The following CXXC5 variants were observed in gnomAD, a reference collection of about 807,000 sequenced individuals.
CXXC5 encodes CXXC finger protein 5, also known as CXXC-type zinc finger protein 5.
CXXC5 carries 2 observed loss-of-function variants against 17.6 expected under a neutral mutation model. The observed-to-expected ratio is 0.11, with a 90% CI of 0.05 to 0.36. The LOEUF (loss-of-function observed/expected upper bound fraction) is 0.36, where lower values mean the gene tolerates loss of function less well. Among genes scored for constraint, CXXC5 ranks in the 10% least tolerant of loss-of-function variants. The probability of loss-of-function intolerance (pLI) is 1.00; values close to 1 mark genes in which losing one functional copy is unlikely to be tolerated. For synonymous variants in CXXC5, 171 were observed against 193.0 expected (o/e 0.89, Z 0.94); for missense variants, 343 against 458.3 (o/e 0.75, Z 2.30).
intron 1 of CXXC5, among the ~76,000 whole-genome samples, chr5:139,665,207 C>T (rs1273925232): frequency 6.6e-6 from 1 of 152,282 alleles, no homozygotes; most frequent in African/African-American, 2.4e-5. Context: ...CCACTCTCCT[C>T]TCCCTCTCTG....
Position 139,670,998 on chromosome 5 carries a change from C to T in CXXC5, c.-160-9366C>T, listed in dbSNP as rs932317275. On this transcript the variant is annotated intron_variant, in intron 1 of 2. Transcript: ENST00000302517. The surrounding 1 kb of genome is among the most constrained non-coding windows in gnomAD (Gnocchi z 4.2). ...AGCCCGCTCCCAGGTGCCCAGCATCCTTGGGTAGTTATGCCACCCGAGGGG... is the reference window on the plus strand; with the variant it reads ...AGCCCGCTCCCAGGTGCCCAGCATCTTTGGGTAGTTATGCCACCCGAGGGG... 2.6e-5 allele frequency among the ~76,000 whole-genome samples: 4 copies of T among 152,210 alleles called. No individual in the cohort carries two copies. The highest frequency in any genetic ancestry group is 5.9e-5 in the Non-Finnish European group (4 of 68,026).
chr5:139,649,401 C>T (rs1755040932), intron 1 of CXXC5: 1 of 152,064 alleles, frequency 6.6e-6, no homozygotes. Flanking sequence ...CGCGCACTCC[C>T]CCCATCAGAC....
At chr5:139,676,080 T>A (rs1486850658) in intron 1 of CXXC5, among the ~76,000 whole-genome samples, 1 of 151,728 alleles carries the variant, frequency 6.6e-6, no homozygotes, top group South Asian at 2.1e-4. Flanking sequence ...AGCCATGCTC[T>A]GGGGCCAAGA....
chr5:139,677,052 T>C (rs954851206), intron 1 of CXXC5, among the ~76,000 whole-genome samples: 1 of 151,066 alleles, frequency 6.6e-6, no homozygotes, highest in African/African-American at 2.4e-5. Flanking sequence ...GGCTCCTGCA[T>C]GGACAAAGGG....
At chr5:139,659,575 T>G (rs1185299134) in intron 1 of CXXC5, 1 of 152,228 alleles carries the variant, frequency 6.6e-6, no homozygotes, top group East Asian at 1.9e-4. Flanking sequence ...CCAGGGGCCT[T>G]GTGGTGCCCT....
chr5:139,676,994 G>A (rs1036403426), intron 1 of CXXC5, among the ~76,000 whole-genome samples: 6 of 101,230 alleles, frequency 5.9e-5, no homozygotes, highest in Non-Finnish European at 9.9e-5. Flanking sequence ...TCAGCCCCCC[G>A]TGCTCTGTCC....
At chr5:139,674,168 C>G (rs1284559719) in intron 1 of CXXC5, among the ~76,000 whole-genome samples, 1 of 152,190 alleles carries the variant, frequency 6.6e-6, no homozygotes, top group Non-Finnish European at 1.5e-5. Flanking sequence ...GCGTTTCTCC[C>G]TGCCTCCAAG....
In CXXC5 at chr5:139,668,655, G is replaced by C. The variant is rs1290166660; in HGVS notation, c.-160-11709G>C. On this transcript the variant is annotated intron_variant, in intron 1 of 2. Coordinates refer to ENST00000302517, the MANE Select transcript of CXXC5 (RefSeq NM_016463.9). This position sits in a 1 kb window ranked among gnomAD's most constrained non-coding sequence, Gnocchi z 4.1. ...TCCCTGAACCCCATCGTGGCGTGCA[G>C]GTCTGAGTAGGCTCTGGGCCATGCC... Among the ~76,000 whole-genome samples, 1 of 152,192 alleles carries C rather than the reference G, an allele frequency of 6.6e-6. No individual in the cohort carries two copies. The highest frequency in any genetic ancestry group is 2.4e-5 in the African/African-American group (1 of 41,456).
chr5:139,683,035 C>T lies in CXXC5; in HGVS notation c.*128C>T. The T allele has an allele frequency of 2.9e-6, 2 of 697,300 alleles. No homozygotes were observed. Among genetic ancestry groups the T allele is most frequent in the African/African-American group, 1.9e-5 (1 of 53,854 alleles). 43.2% of individuals were successfully genotyped at this position (697,300 alleles called of 1,614,324 possible). A position where few individuals can be genotyped will look rare whatever the true frequency, so the allele number is the denominator to read the frequency against. ...ACCAAAAATATTCTCTCACAGATTTCATTCCTGTTTTTATATATATATTTT... is the reference window on the plus strand; with the variant it reads ...ACCAAAAATATTCTCTCACAGATTTTATTCCTGTTTTTATATATATATTTT... On this transcript the variant is annotated 3_prime_UTR_variant, in exon 3 of 3. Coordinates refer to ENST00000302517, the MANE Select transcript of CXXC5 (RefSeq NM_016463.9).
intron 1 of CXXC5, among the ~76,000 whole-genome samples, chr5:139,662,669 G>T (rs1755887387): frequency 6.6e-6 from 1 of 150,460 alleles, no homozygotes; most frequent in Non-Finnish European, 1.5e-5. Context: ...GACCGTGGTT[G>T]AGGAGGAGAG....
chr5:139,672,084 C>G (rs563729639), intron 1 of CXXC5, among the ~76,000 whole-genome samples: 1 of 152,210 alleles, frequency 6.6e-6, no homozygotes, highest in African/African-American at 2.4e-5. Flanking sequence ...TTATTAGGAC[C>G]TGCTGTTTAT....
chr5:139,674,867 G>T (rs1756691656), intron 1 of CXXC5, among the ~76,000 whole-genome samples: 1 of 152,114 alleles, frequency 6.6e-6, no homozygotes, highest in Non-Finnish European at 1.5e-5. Flanking sequence ...TTCTGCCCTT[G>T]GCCTCAAGGC....
intron 1 of CXXC5, among the ~76,000 whole-genome samples, chr5:139,672,494 C>T (rs558917258): frequency 8.3e-4 from 126 of 152,350 alleles, no homozygotes; most frequent in Non-Finnish European, 1.3e-4. Flanking sequence ...CGATAGGTCT[C>T]ACCTCTTCTA....
intron 1 of CXXC5, among the ~76,000 whole-genome samples, chr5:139,662,347 G>A (rs919432109): frequency 9.9e-5 from 15 of 152,238 alleles, no homozygotes; most frequent in African/African-American, 3.6e-4. Flanking sequence ...CCCTCAGGGA[G>A]CCTTTTTAAG....
Position 139,683,645 on chromosome 5 carries a change from A to C in CXXC5, c.*738A>C, listed in dbSNP as rs1757384728. 6.6e-6 allele frequency: 1 copy of C among 152,624 alleles called. No individual in the cohort carries two copies. The highest frequency in any genetic ancestry group is 1.9e-4 in the East Asian group (1 of 5,186). 9.5% of individuals were successfully genotyped at this position (152,624 alleles called of 1,614,324 possible). ...TGGGGAGCCCCATCTCGATATTTCC[A>C]ATCCTGGCTACTTTTCTTAGAGAAA... On this transcript the variant is annotated 3_prime_UTR_variant, in exon 3 of 3. Transcript: ENST00000302517.
chr5:139,680,299 G>C, intron 1 of CXXC5, 65 bp from the exon 2 acceptor site: 1 of 600,250 alleles, frequency 1.7e-6, no homozygotes, highest in Non-Finnish European at 2.9e-6. Flanking sequence ...TGATAGTGGC[G>C]GTGGTGGCGA....
At chr5:139,650,297 G>T (rs1197384087) in intron 1 of CXXC5, among the ~76,000 whole-genome samples, 1 of 150,022 alleles carries the variant, frequency 6.7e-6, no homozygotes, top group Non-Finnish European at 1.5e-5. Flanking sequence ...GCCTTCGGAT[G>T]GGGGGGGAGC....
chr5:139,654,356 T>G (rs1755376422), intron 1 of CXXC5, among the ~76,000 whole-genome samples: 1 of 152,182 alleles, frequency 6.6e-6, no homozygotes, highest in East Asian at 1.9e-4. Flanking sequence ...GCTGGATGTG[T>G]GACATTTGGG....
chr5:139,674,801 T>A (rs1756688138), intron 1 of CXXC5, among the ~76,000 whole-genome samples: 1 of 152,138 alleles, frequency 6.6e-6, no homozygotes, highest in Non-Finnish European at 1.5e-5. Context: ...GATTGCTTGA[T>A]CCTCATAGGA....
Sources: gnomAD v4.1 joint callset for allele counts (sites outside exome capture counted in the v4.1 genomes callset) on GRCh38, gnomAD v4.1.1 for gene constraint, Gnocchi (gnomAD v3.1) non-coding constraint, MANE v1.5 for transcripts, NCBI Gene and HGNC (gene_info 2026-07-23, HGNC 2026-07-21) for gene names.